Variants in PPP2R3A observed in about 807,000 individuals in gnomAD.
PPP2R3A encodes the protein serine/threonine-protein phosphatase 2A regulatory subunit B'' subunit alpha.
A neutral mutation model predicts 106.9 loss-of-function variants in PPP2R3A; 80 were observed. The ratio of observed to expected loss-of-function variants is 0.75; its 90% CI spans 0.62 to 0.90. The LOEUF (loss-of-function observed/expected upper bound fraction) is 0.90, where lower values mean the gene tolerates loss of function less well. Ranked by LOEUF, PPP2R3A falls within the 40% of genes least tolerant of loss-of-function variation. The pLI is 0.00. For synonymous variants in PPP2R3A, 483 were observed against 468.3 expected, an observed-to-expected ratio of 1.03 and a Z score of -0.41; for missense variants, 1,386 against 1,350.4, an observed-to-expected ratio of 1.03 and a Z score of -0.41.
At chr3:136,068,025 G>A (rs965031938) in intron 5 of PPP2R3A, among the ~76,000 whole-genome samples, 2 of 152,022 alleles carry the variant, frequency 1.3e-5, no homozygotes, top group African/African-American at 4.8e-5. Flanking sequence ...AGGAGTTCGA[G>A]ACCAGCCAGG....
chr3:135,968,317 C>T (rs1315106927), intron 1 of PPP2R3A, among the ~76,000 whole-genome samples: 2 of 152,132 alleles, frequency 1.3e-5, no homozygotes, highest in African/African-American at 4.8e-5. Flanking sequence ...GTACAGGCAG[C>T]TCTGAGTGCA....
At chr3:136,103,592 T>C (rs937949312) in intron 12 of PPP2R3A, among the ~76,000 whole-genome samples, 3 of 152,168 alleles carry the variant, frequency 2.0e-5, no homozygotes, top group East Asian at 1.9e-4. Context: ...GTGTAAGCAC[T>C]TTCCACTGAG....
chr3:136,055,975 C>T (rs1422033225), intron 5 of PPP2R3A, among the ~76,000 whole-genome samples: 30 of 152,158 alleles, frequency 2.0e-4, no homozygotes, highest in Admixed American at 2.0e-3. Flanking sequence ...CTACCTCAGT[C>T]TGATGATCAA....
chr3:136,045,632 A>C (rs966834747), intron 4 of PPP2R3A, among the ~76,000 whole-genome samples: 1 of 152,188 alleles, frequency 6.6e-6, no homozygotes, highest in Non-Finnish European at 1.5e-5. Flanking sequence ...TCTCACTGCT[A>C]TCTGCTGGCC....
intron 2 of PPP2R3A, among the ~76,000 whole-genome samples, chr3:136,009,351 C>G (rs1933964220): frequency 6.6e-6 from 1 of 152,118 alleles, no homozygotes; most frequent in Non-Finnish European, 1.5e-5. Flanking sequence ...ACTCTGCTAT[C>G]CACTACCTCT....
At chr3:136,029,992 G>T (rs532417465) in intron 3 of PPP2R3A, among the ~76,000 whole-genome samples, 5 of 152,158 alleles carry the variant, frequency 3.3e-5, no homozygotes, top group South Asian at 2.1e-4. Flanking sequence ...CAGGAGAATC[G>T]CTTGAGCCTG....
chr3:136,069,132 T>G (rs142785537), intron 5 of PPP2R3A, among the ~76,000 whole-genome samples: 62 of 152,304 alleles, frequency 4.1e-4, no homozygotes, highest in African/African-American at 1.5e-3. Flanking sequence ...GAAAAACTAG[T>G]GAGATTTGAG....
At chr3:136,033,497 C>G (rs1001051758) in intron 3 of PPP2R3A, among the ~76,000 whole-genome samples, 5 of 152,198 alleles carry the variant, frequency 3.3e-5, no homozygotes, top group Non-Finnish European at 5.9e-5. Flanking sequence ...TAGAATTCGG[C>G]TGTGAATCCG....
intron 13 of PPP2R3A, among the ~76,000 whole-genome samples, chr3:136,141,911 T>C (rs897670514): frequency 3.3e-5 from 5 of 152,058 alleles, no homozygotes; most frequent in African/African-American, 1.2e-4. Flanking sequence ...GATAACCGAG[T>C]TTCTGGCTTT....
In PPP2R3A at chr3:136,001,722, A is replaced by G. The variant is rs376436575; in HGVS notation, c.224A>G (p.His75Arg). ...DADLNSMFLP[H>R]ENGLSSAEGD... ...GATCTGAACTCTATGTTTCTACCCCATGAAAATGGGCTTTCTTCGGCTGAA... is the reference window on the plus strand; with the variant it reads ...GATCTGAACTCTATGTTTCTACCCCGTGAAAATGGGCTTTCTTCGGCTGAA... The change falls in exon 2 of 14, where the codon CAT becomes CGT. Residue 75 changes from histidine to arginine, a missense_variant. His to Arg is a conservative substitution (Grantham distance 29, BLOSUM62 0). Transcript: ENST00000264977. 4 of 1,614,006 alleles carry G rather than the reference A, an allele frequency of 2.5e-6. No individual in the cohort carries two copies. Among genetic ancestry groups the G allele is most frequent in the African/African-American group, 2.7e-5 (2 of 74,930 alleles).
intron 6 of PPP2R3A, among the ~76,000 whole-genome samples, chr3:136,073,201 T>G (rs910738081): frequency 5.9e-5 from 9 of 152,168 alleles, no homozygotes; most frequent in African/African-American, 2.2e-4. Flanking sequence ...TCTCCTGACC[T>G]CATGATCCGC....
At chr3:136,126,362 T>C (rs2108008942) in intron 13 of PPP2R3A, among the ~76,000 whole-genome samples, 1 of 152,342 alleles carries the variant, frequency 6.6e-6, no homozygotes, top group South Asian at 2.1e-4. Flanking sequence ...GGAGCCTTGC[T>C]CACTGCTAGC....
chr3:136,127,384 G>T (rs111801551), intron 13 of PPP2R3A, among the ~76,000 whole-genome samples: 5,011 of 152,214 alleles, frequency 0.033, 299 homozygotes, highest in African/African-American at 0.11. Flanking sequence ...TTCAACAGCT[G>T]ATTCGATCAG....
intron 1 of PPP2R3A, among the ~76,000 whole-genome samples, chr3:135,985,521 G>A (rs1937602496): frequency 6.6e-6 from 1 of 152,092 alleles, no homozygotes; most frequent in African/African-American, 2.4e-5. Flanking sequence ...CCTCCTTGCT[G>A]TTTATCTGTT....
chr3:136,048,968 C>T (rs1262115055), intron 4 of PPP2R3A, among the ~76,000 whole-genome samples: 1 of 152,010 alleles, frequency 6.6e-6, no homozygotes, highest in Non-Finnish European at 1.5e-5. Context: ...GGAATGTTTC[C>T]TGAAAATGCT....
chr3:136,033,590 A>G (rs1934981334), intron 3 of PPP2R3A, among the ~76,000 whole-genome samples: 1 of 152,172 alleles, frequency 6.6e-6, no homozygotes, highest in Non-Finnish European at 1.5e-5. Context: ...CAGGGTATCT[A>G]ATTCTTCCTG....
intron 13 of PPP2R3A, among the ~76,000 whole-genome samples, chr3:136,132,766 T>C (rs1013391161): frequency 1.3e-5 from 2 of 151,860 alleles, no homozygotes; most frequent in Admixed American, 6.6e-5. Flanking sequence ...ATCCTAAAAC[T>C]TGTATAGAAA....
chr3:136,039,366 C>CT (rs1935182306), intron 3 of PPP2R3A, among the ~76,000 whole-genome samples: 1 of 152,106 alleles, frequency 6.6e-6, no homozygotes, highest in Admixed American at 6.6e-5. Flanking sequence ...GATTTGGAGA[C>CT]TATTTCTTTG....
intron 13 of PPP2R3A, among the ~76,000 whole-genome samples, chr3:136,137,833 GC>G (rs1319111069): frequency 6.6e-6 from 1 of 151,906 alleles, no homozygotes; most frequent in Non-Finnish European, 1.5e-5. Flanking sequence ...GAGCCACCGC[GC>G]CCGGCCTCTG....
Sources: gnomAD v4.1 joint callset for allele counts (sites outside exome capture counted in the v4.1 genomes callset) on GRCh38, gnomAD v4.1.1 for gene constraint, MANE v1.5 for transcripts, NCBI Gene and HGNC (gene_info 2026-07-23, HGNC 2026-07-21) for gene names.